The following GSTA1 variants were observed in gnomAD, a reference collection of about 807,000 sequenced individuals.
GSTA1 encodes the protein glutathione S-transferase A1.
A neutral mutation model predicts 21.5 loss-of-function variants in GSTA1; 23 were observed. That is an observed-to-expected ratio of 1.07 (90% CI 0.77 to 1.52). The LOEUF is 1.52. Among genes scored for constraint, GSTA1 ranks in the 40% most tolerant of loss-of-function variants. The pLI is 0.00. For missense variants in GSTA1, 301 were observed against 264.2 expected (o/e 1.14, Z -0.96); for synonymous variants, 125 against 90.0 (o/e 1.39, Z -2.20).
chr6:52,792,955 A>T lies in GSTA1; in HGVS notation c.447T>A (p.Val149=). The stretch of plus-strand genomic sequence containing the variant: ...TGTCAGCCCGGCTCAGCTTGTTGCC[A>T]ACAAGGTAGTCTTGTCCATGGCTCT... ...VLKSHGQDYL[V]GNKLSRADIH... Residue 149 remains valine, a synonymous_variant, in exon 6 of 7, where the codon GTT becomes GTA. Transcript: ENST00000334575. The T allele has an allele frequency of 6.2e-7, 1 of 1,614,052 alleles. No homozygotes were observed. The highest frequency in any genetic ancestry group is 1.3e-5 in the African/African-American group (1 of 75,002).
intron 4 of GSTA1, among the ~76,000 whole-genome samples, chr6:52,795,577 C>T (rs903046032): frequency 6.6e-5 from 10 of 152,124 alleles, no homozygotes; most frequent in African/African-American, 2.4e-4. Context: ...ATCATGCAGT[C>T]TCATCACAAC....
chr6:52,797,022 A>G (rs1763607963), intron 3 of GSTA1, among the ~76,000 whole-genome samples: 2 of 152,168 alleles, frequency 1.3e-5, no homozygotes, highest in South Asian at 2.1e-4. Context: ...ACAAGTTACA[A>G]TAGGACTGGC....
intron 1 of GSTA1, among the ~76,000 whole-genome samples, chr6:52,801,495 G>C (rs746049796): frequency 1.3e-5 from 2 of 152,212 alleles, no homozygotes; most frequent in African/African-American, 2.4e-5. Flanking sequence ...AGTTCACAGT[G>C]TTGTAATTCC....
intron 3 of GSTA1, among the ~76,000 whole-genome samples, chr6:52,796,544 T>TATATATATATATA (rs371040479): frequency 4.9e-5 from 2 of 40,426 alleles, no homozygotes; most frequent in African/African-American, 1.4e-4. Flanking sequence ...TATATATATA[T>TATATATATATATA]TTTTTTTTTT....
At chr6:52,798,130 C>T (rs925384195) in intron 2 of GSTA1, among the ~76,000 whole-genome samples, 1 of 152,184 alleles carries the variant, frequency 6.6e-6, no homozygotes, top group Admixed American at 6.5e-5. Context: ...AAATAGGTCG[C>T]CACTGTTGCA....
chr6:52,802,503 G>C (rs1422376000), intron 1 of GSTA1, among the ~76,000 whole-genome samples: 1 of 152,176 alleles, frequency 6.6e-6, no homozygotes, highest in African/African-American at 2.4e-5. Context: ...ACACAGCAAT[G>C]GGTGTTTGCT....
intron 5 of GSTA1, among the ~76,000 whole-genome samples, chr6:52,793,328 C>T (rs899697685): frequency 2.0e-5 from 3 of 152,160 alleles, no homozygotes; most frequent in Admixed American, 1.3e-4. Flanking sequence ...GTGGAGCCCT[C>T]ACATTCAGGA....
intron 5 of GSTA1, among the ~76,000 whole-genome samples, chr6:52,793,276 G>A (rs576366214): frequency 6.6e-6 from 1 of 152,122 alleles, no homozygotes; most frequent in Non-Finnish European, 1.5e-5. Flanking sequence ...CAGGGGCTTA[G>A]CACCTGCCTC....
At position 52,792,899 on chromosome 6, in the gene GSTA1, T is replaced by C; in HGVS notation, c.503A>G (p.Glu168Gly). The C allele has an allele frequency of 6.2e-7, 1 of 1,614,098 alleles. No homozygotes were observed. Among genetic ancestry groups the C allele is most frequent in the Non-Finnish European group, 8.5e-7 (1 of 1,179,984 alleles). Residue 168 changes from glutamate (E) to glycine (G), a missense_variant, in exon 6 of 7, where the codon GAG becomes GGG. Physicochemically the swap from Glu to Gly is moderately conservative, Grantham distance 98. Coordinates refer to ENST00000334575, the MANE Select transcript of GSTA1 (RefSeq NM_145740.5). ...IHLVELLYYVEELDSSLISSF... is the reference protein window; with the variant it reads ...IHLVELLYYVGELDSSLISSF... ...GGAGATAAGACTGGAGTCAAGCTCCTCGACGTAGTAGAGAAGTTCCACCAG... is the reference window on the plus strand; with the variant it reads ...GGAGATAAGACTGGAGTCAAGCTCCCCGACGTAGTAGAGAAGTTCCACCAG...
intron 2 of GSTA1, 99 bp downstream of exon 2, chr6:52,799,082 C>A: frequency 2.7e-6 from 3 of 1,098,836 alleles, no homozygotes; most frequent in South Asian, 1.3e-5. Context: ...TTATTTAAGG[C>A]ACAATGCTTC....
Position 52,794,114 on chromosome 6 carries a change from G to T in GSTA1, c.414+11C>A. On this transcript the variant is annotated intron_variant, in intron 5 of 6. Transcript: ENST00000334575. Reference sequence around the variant, plus strand: ...ACTCAGTTCCCCAAAACACTGAACTGCTTCACTTACTTTTTCAAAGGCAGG... The same window carrying T: ...ACTCAGTTCCCCAAAACACTGAACTTCTTCACTTACTTTTTCAAAGGCAGG... The T allele has an allele frequency of 6.2e-7, 1 of 1,613,532 alleles. No homozygotes were observed. The highest frequency in any genetic ancestry group is 8.5e-7 in the Non-Finnish European group (1 of 1,179,574).
At chr6:52,795,452 G>A (rs1425319835) in intron 4 of GSTA1, among the ~76,000 whole-genome samples, 1 of 152,076 alleles carries the variant, frequency 6.6e-6, no homozygotes, top group Non-Finnish European at 1.5e-5. Context: ...ATATAGTGTG[G>A]ATGTATTTTC....
At chr6:52,796,489 A>ATG (rs1303717345) in intron 3 of GSTA1, among the ~76,000 whole-genome samples, 175 bp from the exon 4 acceptor site, 12 of 13,074 alleles carry the variant, frequency 9.2e-4, no homozygotes, top group African/African-American at 5.2e-3. Flanking sequence ...ATATATATAT[A>ATG]TGTGTGTGTG....
intron 2 of GSTA1, 27 bp from the exon 3 acceptor site, chr6:52,797,664 C>G (rs777933531): frequency 1.3e-6 from 2 of 1,572,716 alleles, no homozygotes; most frequent in Non-Finnish European, 1.7e-6. Context: ...TAAATACGTT[C>G]TTGTTAGTTC....
At chr6:52,802,657 C>G (rs1763744470) in intron 1 of GSTA1, among the ~76,000 whole-genome samples, 1 of 152,110 alleles carries the variant, frequency 6.6e-6, no homozygotes, top group Admixed American at 6.6e-5. Context: ...TCTGTCTACC[C>G]ATCCATGTAT....
chr6:52,792,736 C>T (rs1208637115), intron 6 of GSTA1, 120 bp downstream of exon 6: 2 of 1,608,264 alleles, frequency 1.2e-6, no homozygotes, highest in Non-Finnish European at 1.7e-6. Context: ...ATTTTGGAGA[C>T]CTTGGGGCAC....
intron 6 of GSTA1, 77 bp downstream of exon 6, chr6:52,792,779 G>C (rs1201827467): frequency 6.2e-7 from 1 of 1,611,696 alleles, no homozygotes; most frequent in Admixed American, 1.7e-5. Flanking sequence ...GCAAAACTTG[G>C]TCAGTCGCAG....
chr6:52,793,020 A>C (rs1284052557), intron 5 of GSTA1, 33 bp from the exon 6 acceptor site: 1 of 1,613,706 alleles, frequency 6.2e-7, no homozygotes, highest in Admixed American at 1.7e-5. Flanking sequence ...TCAGGAACAC[A>C]TGCACACCCA....
chr6:52,798,353 T>C (rs1251753137), intron 2 of GSTA1, among the ~76,000 whole-genome samples: 2 of 132,164 alleles, frequency 1.5e-5, no homozygotes, highest in African/African-American at 5.8e-5. Context: ...TTTCTCTGCA[T>C]CCTCATAGAC....
Sources: gnomAD v4.1 joint callset for allele counts (sites outside exome capture counted in the v4.1 genomes callset) on GRCh38, gnomAD v4.1.1 for gene constraint, MANE v1.5 for transcripts, NCBI Gene and HGNC (gene_info 2026-07-23, HGNC 2026-07-21) for gene names.